ITGA6: variants seen among roughly 807,000 people sequenced by gnomAD.
ITGA6 encodes integrin subunit alpha 6, also known as integrin alpha-6.
A neutral mutation model predicts 133.6 loss-of-function variants in ITGA6; 63 were observed. The observed-to-expected ratio is 0.47, with a 90% confidence interval of 0.38 to 0.58. The LOEUF (loss-of-function observed/expected upper bound fraction) is 0.58. Ranked by LOEUF, ITGA6 falls within the 20% of genes least tolerant of loss-of-function variation. The pLI is 0.00. For synonymous variants in ITGA6, 434 were observed against 482.0 expected (o/e 0.90, Z 1.30); for missense variants, 1,068 against 1,309.4 (o/e 0.82, Z 2.85).
At chr2:172,489,401 C>A in intron 19 of ITGA6, 84 bp from the exon 20 acceptor site, 2 of 1,094,318 alleles carry the variant, frequency 1.8e-6, no homozygotes, top group African/African-American at 1.6e-5. Context: ...GATATTTTAG[C>A]TTCTTTCTCT....
chr2:172,472,965 G>A, intron 5 of ITGA6: 1 of 889,328 alleles, frequency 1.1e-6, no homozygotes, highest in Non-Finnish European at 1.9e-6. Flanking sequence ...TCCATACAGA[G>A]CATAAATCTT....
At chr2:172,495,705 A>C (rs2149090893) in intron 23 of ITGA6, among the ~76,000 whole-genome samples, 1 of 152,268 alleles carries the variant, frequency 6.6e-6, no homozygotes, top group South Asian at 2.1e-4. Flanking sequence ...GTGAGTTAAC[A>C]ATATGTGGAA....
chr2:172,437,300 G>A (rs1239523483), intron 1 of ITGA6, among the ~76,000 whole-genome samples: 1 of 152,210 alleles, frequency 6.6e-6, no homozygotes, highest in Non-Finnish European at 1.5e-5. Context: ...ATACTGACTA[G>A]GAGGCTCCTG....
intron 1 of ITGA6, among the ~76,000 whole-genome samples, chr2:172,458,567 C>T (rs1251209223): frequency 6.6e-6 from 1 of 152,190 alleles, no homozygotes; most frequent in East Asian, 1.9e-4. Flanking sequence ...AACTAGCTGG[C>T]TACCCACTCA....
chr2:172,475,634 G>A lies in ITGA6; in HGVS notation c.1218G>A (p.Lys406=). Residue 406 remains lysine (K), a synonymous_variant, in exon 8 of 26, where the codon AAG becomes AAA. Transcript: ENST00000684293. ...GAGCTCCGTATGATGACTTGGGAAA[G>A]GTTTTTATCTATCATGGATCTGCAA... ...AVGAPYDDLG[K]VFIYHGSANG... 1.2e-6 allele frequency: 2 copies of A among 1,608,700 alleles called. No individual in the cohort carries two copies. The highest frequency in any genetic ancestry group is 8.5e-7 in the Non-Finnish European group (1 of 1,175,150).
Position 172,501,915 on chromosome 2 carries a change from GT to G in ITGA6, c.*22+20del. Reference sequence around the variant, plus strand: ...CTTCTGTAATTGGTAATTGATCAATGTTTTTTAATTGCTAGCTGTGGGACCC... The same window carrying G: ...CTTCTGTAATTGGTAATTGATCAATGTTTTTAATTGCTAGCTGTGGGACCC... On this transcript the variant is annotated intron_variant, in intron 25 of 25. Coordinates refer to ENST00000684293, the MANE Select transcript of ITGA6 (RefSeq NM_000210.4). 1.2e-6 allele frequency: 2 copies of G among 1,607,218 alleles called. No homozygotes were observed.
intron 2 of ITGA6, among the ~76,000 whole-genome samples, chr2:172,466,723 C>A (rs1016424733): frequency 1.3e-5 from 2 of 152,230 alleles, no homozygotes; most frequent in Non-Finnish European, 2.9e-5. Flanking sequence ...AACCCACTGG[C>A]AATCTCAGTA....
intron 19 of ITGA6, among the ~76,000 whole-genome samples, chr2:172,489,128 A>G (rs10178563): frequency 0.031 from 4,672 of 152,260 alleles, 229 homozygotes; most frequent in African/African-American, 0.11. Flanking sequence ...TTGGCCCAGG[A>G]CTTGTCATTG....
intron 1 of ITGA6, among the ~76,000 whole-genome samples, chr2:172,436,177 G>T (rs1684313026): frequency 2.0e-5 from 3 of 152,156 alleles, no homozygotes; most frequent in Admixed American, 2.0e-4. Context: ...ATGGGTCTGG[G>T]CACTGCTGGG....
chr2:172,442,697 G>A (rs770894685), intron 1 of ITGA6, among the ~76,000 whole-genome samples: 3 of 152,126 alleles, frequency 2.0e-5, no homozygotes, highest in Non-Finnish European at 4.4e-5. Context: ...CCAGCACAGT[G>A]CCTGGCGCAC....
intron 23 of ITGA6, among the ~76,000 whole-genome samples, chr2:172,494,158 T>A (rs1254285503): frequency 6.6e-6 from 1 of 152,256 alleles, no homozygotes; most frequent in East Asian, 1.9e-4. Context: ...CTTGAAGATC[T>A]AAGCTTAATT....
chr2:172,463,379 C>A (rs562464962), intron 1 of ITGA6, among the ~76,000 whole-genome samples: 1 of 152,082 alleles, frequency 6.6e-6, no homozygotes, highest in Non-Finnish European at 1.5e-5. Context: ...AATCTCTTAC[C>A]CAGCCTTCAC....
intron 24 of ITGA6, among the ~76,000 whole-genome samples, chr2:172,499,295 G>A (rs1044796355): frequency 6.6e-6 from 1 of 152,014 alleles, no homozygotes; most frequent in African/African-American, 2.4e-5. Context: ...TGTTTACCTC[G>A]GGCAGTAGGT....
rs114935818 is a variant in ITGA6, at chr2:172,445,667, G to A, written c.182+17697G>A. On this transcript the variant is annotated intron_variant, in intron 1 of 25. Transcript: ENST00000684293. ...CCGTCTTTTTTAAAAAAAAAAAAAAGAAAAAAAAAAGCCTGAAAGACCTCT... is the reference window on the plus strand; with the variant it reads ...CCGTCTTTTTTAAAAAAAAAAAAAAAAAAAAAAAAAGCCTGAAAGACCTCT... 1.1e-3 allele frequency among the ~76,000 whole-genome samples: 142 copies of A among 132,238 alleles called. 1 individual carries two copies. Among genetic ancestry groups the A allele is most frequent in the East Asian group, 3.8e-3 (11 of 2,930 alleles). 86.8% of individuals were successfully genotyped at this position (132,238 alleles called of 152,430 possible). A position where few individuals can be genotyped will look rare whatever the true frequency, so the allele number is the denominator to read the frequency against.
At chr2:172,496,479 T>C (rs1687132402) in intron 23 of ITGA6, among the ~76,000 whole-genome samples, 1 of 152,216 alleles carries the variant, frequency 6.6e-6, no homozygotes, top group Admixed American at 6.5e-5. Context: ...AACTGTTTCC[T>C]AGAAGTGGAA....
At chr2:172,479,362 G>C (rs1052285495) in intron 9 of ITGA6, among the ~76,000 whole-genome samples, 3 of 152,184 alleles carry the variant, frequency 2.0e-5, no homozygotes, top group Non-Finnish European at 2.9e-5. Context: ...GTTCGGGTGG[G>C]AATGGAGACA....
chr2:172,472,125 C>A (rs1224912830), intron 5 of ITGA6, among the ~76,000 whole-genome samples: 1 of 152,186 alleles, frequency 6.6e-6, no homozygotes, highest in Non-Finnish European at 1.5e-5. Flanking sequence ...AGTTCAAGAC[C>A]AGCCTGGCCA....
At chr2:172,465,327 C>T in intron 1 of ITGA6, 1 of 623,512 alleles carries the variant, frequency 1.6e-6, no homozygotes, top group Non-Finnish European at 2.9e-6. Context: ...TTTTGGTATC[C>T]CCTCTTTGGC....
chr2:172,494,040 C>A (rs768516831), intron 23 of ITGA6, among the ~76,000 whole-genome samples: 3 of 152,102 alleles, frequency 2.0e-5, no homozygotes, highest in Non-Finnish European at 4.4e-5. Context: ...ATTTTCTTAA[C>A]CTCTAGTCTT....
Sources: gnomAD v4.1 joint callset for allele counts (sites outside exome capture counted in the v4.1 genomes callset) on GRCh38, gnomAD v4.1.1 for gene constraint, MANE v1.5 for transcripts, NCBI Gene and HGNC (gene_info 2026-07-23, HGNC 2026-07-21) for gene names.